Variants in ANKRD28 observed in about 807,000 individuals in gnomAD.
ANKRD28 encodes the protein ankyrin repeat domain 28.
Under a neutral mutation model 126.5 loss-of-function variants are expected in ANKRD28, and 44 were observed. That is an observed-to-expected ratio of 0.35 (90% confidence interval 0.27 to 0.45). The LOEUF (loss-of-function observed/expected upper bound fraction) is 0.45, where lower values mean the gene tolerates loss of function less well. Ranked by LOEUF, ANKRD28 falls within the 20% of genes least tolerant of loss-of-function variation. The pLI, the probability that ANKRD28 is intolerant of heterozygous loss-of-function variation, is 1.00. For missense variants in ANKRD28, 1,110 were observed against 1,316.6 expected (o/e 0.84, Z 2.43); for synonymous variants, 442 against 468.5 (o/e 0.94, Z 0.73).
chr3:15,678,971 A>G (rs891267861), intron 23 of ANKRD28, among the ~76,000 whole-genome samples: 8 of 152,142 alleles, frequency 5.3e-5, no homozygotes, highest in Non-Finnish European at 1.0e-4. Flanking sequence ...TTGAAAATAA[A>G]ACCTTTTTGG....
chr3:15,773,983 A>G (rs2059142643), intron 2 of ANKRD28, among the ~76,000 whole-genome samples: 1 of 152,206 alleles, frequency 6.6e-6, no homozygotes, highest in Non-Finnish European at 1.5e-5. Context: ...ACATGACCAG[A>G]GCAGAGTCTA....
At chr3:15,746,971 T>C (rs560046550) in intron 4 of ANKRD28, among the ~76,000 whole-genome samples, 1 of 152,348 alleles carries the variant, frequency 6.6e-6, no homozygotes, top group South Asian at 2.1e-4. Flanking sequence ...CTAGGTTTTC[T>C]AGTTTATGTG....
At chr3:15,693,095 G>A (rs2069012326) in intron 17 of ANKRD28, among the ~76,000 whole-genome samples, 2 of 152,240 alleles carry the variant, frequency 1.3e-5, no homozygotes, top group South Asian at 4.2e-4. Context: ...CCAGGGACTG[G>A]GGAAAGGAGA....
chr3:15,842,842 C>T (rs776245916), intron 1 of ANKRD28, among the ~76,000 whole-genome samples: 4 of 152,084 alleles, frequency 2.6e-5, no homozygotes, highest in Non-Finnish European at 5.9e-5. Context: ...TTTTCACTAA[C>T]CAAAGAAATT....
At chr3:15,785,685 C>T (rs1370298179) in intron 2 of ANKRD28, among the ~76,000 whole-genome samples, 2 of 151,490 alleles carry the variant, frequency 1.3e-5, no homozygotes, top group African/African-American at 2.4e-5. Flanking sequence ...ACCTTATGAT[C>T]CTGCAATCAT....
chr3:15,719,705 A>G (rs921790587), intron 8 of ANKRD28, among the ~76,000 whole-genome samples: 1 of 151,918 alleles, frequency 6.6e-6, no homozygotes. Context: ...AGTACCTAGG[A>G]CTACAGGATA....
intron 2 of ANKRD28, among the ~76,000 whole-genome samples, chr3:15,766,691 C>T (rs571226438): frequency 1.3e-5 from 2 of 151,602 alleles, no homozygotes; most frequent in Non-Finnish European, 2.9e-5. Flanking sequence ...CAAAAAAAAA[C>T]AACAAAACAA....
upstream of ANKRD28, among the ~76,000 whole-genome samples, chr3:15,801,170 A>G (rs888439913): frequency 6.6e-6 from 1 of 152,246 alleles, no homozygotes; most frequent in East Asian, 1.9e-4. The surrounding 1 kb of genome is among the most constrained non-coding windows in gnomAD (Gnocchi z 4.9). Flanking sequence ...TAATCCTTCT[A>G]TTCTTTATAC....
In ANKRD28 at chr3:15,735,413, T is replaced by A; in HGVS notation, c.637A>T (p.Met213Leu). The A allele has an allele frequency of 6.4e-7, 1 of 1,553,524 alleles. No homozygotes were observed. Among genetic ancestry groups the A allele is most frequent in the Admixed American group, 1.9e-5 (1 of 51,560 alleles). ...ACTAAATTTAAAAAGTACATACCCA[T>A]ATATGCTGCCCAATGGATAGCACGC... The part of the protein sequence containing the change: ...DRRAIHWAAY[M>L]GHIEVVKLLV... Residue 213 changes from methionine (M) to leucine (L), a missense_variant, in exon 6 of 28, where the codon ATG becomes TTG. Coordinates refer to ENST00000683139, the MANE Select transcript of ANKRD28 (RefSeq NM_001349278.2).
chr3:15,707,185 G>A (rs2071560031), intron 14 of ANKRD28, among the ~76,000 whole-genome samples: 1 of 151,790 alleles, frequency 6.6e-6, no homozygotes, highest in South Asian at 2.1e-4. Flanking sequence ...ACTTTTCACT[G>A]ACCCACACCA....
At chr3:15,822,481 G>A (rs2060964722) in intron 1 of ANKRD28, among the ~76,000 whole-genome samples, 1 of 152,116 alleles carries the variant, frequency 6.6e-6, no homozygotes, top group Non-Finnish European at 1.5e-5. Flanking sequence ...CCCCAGGGAG[G>A]GGGAAACATT....
chr3:15,737,502 A>G (rs1559438204), intron 4 of ANKRD28, among the ~76,000 whole-genome samples: 1 of 14,252 alleles, frequency 7.0e-5, no homozygotes, highest in Non-Finnish European at 1.3e-4. Context: ...ATGCATAAAC[A>G]TTCCTATCAA....
chr3:15,708,402 C>A (rs2071758374), intron 13 of ANKRD28, among the ~76,000 whole-genome samples: 1 of 151,984 alleles, frequency 6.6e-6, no homozygotes, highest in Non-Finnish European at 1.5e-5. Flanking sequence ...AAAGTTTCCC[C>A]TACATTAATA....
intron 17 of ANKRD28, among the ~76,000 whole-genome samples, chr3:15,692,156 A>C (rs1438013456): frequency 6.6e-6 from 1 of 151,424 alleles, no homozygotes; most frequent in Admixed American, 6.6e-5. Context: ...AAAAAAAAAA[A>C]AAAAAAAAAA....
chr3:15,830,581 C>A lies in ANKRD28; in HGVS notation c.27+28796G>T, dbSNP rs952665234. ...CATCTCAAAACCATCCCACCCCCCA[C>A]CGCACCCCCATCCACGGAAAAATTG... On this transcript the variant is annotated intron_variant, in intron 1 of 27. Coordinates refer to the ANKRD28 transcript ENST00000399451. The surrounding 1 kb of genome is among the most constrained non-coding windows in gnomAD (Gnocchi z 4.5). 6.6e-6 allele frequency among the ~76,000 whole-genome samples: 1 copy of A among 151,966 alleles called. No individual in the cohort carries two copies. The highest frequency in any genetic ancestry group is 6.6e-5 in the Admixed American group (1 of 15,244).
intron 27 of ANKRD28, among the ~76,000 whole-genome samples, chr3:15,675,442 A>G (rs1214979730): frequency 6.6e-6 from 1 of 152,312 alleles, no homozygotes; most frequent in Middle Eastern, 3.4e-3. Flanking sequence ...ATGTTTATAT[A>G]CTGAGAGGAA....
At chr3:15,811,224 C>G (rs1308495497) in intron 1 of ANKRD28, among the ~76,000 whole-genome samples, 1 of 152,062 alleles carries the variant, frequency 6.6e-6, no homozygotes, top group Non-Finnish European at 1.5e-5. Context: ...TAAGAGAATG[C>G]TTTATTAGAA....
chr3:15,783,205 G>A (rs1464602549), intron 2 of ANKRD28, among the ~76,000 whole-genome samples: 1 of 151,608 alleles, frequency 6.6e-6, no homozygotes, highest in Non-Finnish European at 1.5e-5. Context: ...AAACTCAAGA[G>A]TAAGAAAACA....
At chr3:15,847,069 C>G (rs567499844) in intron 1 of ANKRD28, among the ~76,000 whole-genome samples, 1 of 152,024 alleles carries the variant, frequency 6.6e-6, no homozygotes, top group Non-Finnish European at 1.5e-5. Flanking sequence ...GGGGCATTAC[C>G]CCCAGAAGAT....
Sources: gnomAD v4.1 joint callset for allele counts (sites outside exome capture counted in the v4.1 genomes callset) on GRCh38, gnomAD v4.1.1 for gene constraint, Gnocchi (gnomAD v3.1) non-coding constraint, MANE v1.5 for transcripts, NCBI Gene and HGNC (gene_info 2026-07-23, HGNC 2026-07-21) for gene names.